The following SLIT3 variants were observed in gnomAD, a reference collection of about 807,000 sequenced individuals.
SLIT3 encodes slit homolog 3 protein.
Under a neutral mutation model 184.0 loss-of-function variants are expected in SLIT3, and 68 were observed. The observed-to-expected ratio is 0.37, with a 90% confidence interval of 0.30 to 0.45. SLIT3 has a LOEUF of 0.45. Among genes scored for constraint, SLIT3 ranks in the 20% least tolerant of loss-of-function variants. The pLI is 1.00. For missense variants in SLIT3, 1,707 were observed against 2,026.0 expected (o/e 0.84, Z 3.02); for synonymous variants, 831 against 828.6 (o/e 1.00, Z -0.05).
chr5:168,819,426 G>A (rs1757447787), intron 7 of SLIT3, among the ~76,000 whole-genome samples: 1 of 152,246 alleles, frequency 6.6e-6, no homozygotes, highest in African/African-American at 2.4e-5. Context: ...GCCGTGGCAT[G>A]CGCAGGCTGA....
At chr5:168,848,931 A>T (rs2088544475) in intron 5 of SLIT3, among the ~76,000 whole-genome samples, 1 of 152,220 alleles carries the variant, frequency 6.6e-6, no homozygotes, top group African/African-American at 2.4e-5. Flanking sequence ...TTTGTGCTTC[A>T]GAAATTAAAG....
At chr5:169,182,763 A>G (rs1466661296) in intron 4 of SLIT3, among the ~76,000 whole-genome samples, 1 of 152,234 alleles carries the variant, frequency 6.6e-6, no homozygotes, top group Non-Finnish European at 1.5e-5. Context: ...TATACAATGC[A>G]GTATTTCCCT....
At chr5:169,281,272 A>G (rs186466518) in intron 1 of SLIT3, among the ~76,000 whole-genome samples, 1 of 152,300 alleles carries the variant, frequency 6.6e-6, no homozygotes, top group African/African-American at 2.4e-5. Context: ...AGGTCAGGTG[A>G]TCGAGACCAT....
chr5:169,211,850 T>C (rs930656140), intron 3 of SLIT3, among the ~76,000 whole-genome samples: 1 of 152,188 alleles, frequency 6.6e-6, no homozygotes, highest in African/African-American at 2.4e-5. Flanking sequence ...TGTGTTCTCA[T>C]TGTTCAACTC....
intron 33 of SLIT3, among the ~76,000 whole-genome samples, chr5:168,672,325 C>G (rs1402425509): frequency 6.6e-6 from 1 of 152,192 alleles, no homozygotes; most frequent in Non-Finnish European, 1.5e-5. Flanking sequence ...CCGTGCTAGT[C>G]TCTGCAGGTG....
chr5:168,819,710 A>T (rs777651580), intron 7 of SLIT3, among the ~76,000 whole-genome samples: 1 of 152,220 alleles, frequency 6.6e-6, no homozygotes, highest in Non-Finnish European at 1.5e-5. Flanking sequence ...TTCTGGGATA[A>T]TAAAAATGTC....
At chr5:168,679,788 G>C (rs1467226986) in intron 32 of SLIT3, among the ~76,000 whole-genome samples, 3 of 152,128 alleles carry the variant, frequency 2.0e-5, no homozygotes, top group Non-Finnish European at 4.4e-5. Flanking sequence ...GAGCCAGCAC[G>C]GTGGGAGAGC....
intron 4 of SLIT3, among the ~76,000 whole-genome samples, chr5:169,141,046 T>A (rs1157467839): frequency 6.6e-6 from 1 of 152,232 alleles, no homozygotes; most frequent in Non-Finnish European, 1.5e-5. Flanking sequence ...ACTTACGTTT[T>A]TTCCTTTCTT....
chr5:168,788,516 A>C (rs138205810), intron 11 of SLIT3, among the ~76,000 whole-genome samples: 308 of 152,302 alleles, frequency 2.0e-3, no homozygotes, highest in African/African-American at 7.0e-3. Flanking sequence ...GCATGGGTTC[A>C]AATCTTGCCT....
At chr5:168,974,568 C>T (rs903827866) in intron 4 of SLIT3, among the ~76,000 whole-genome samples, 4 of 152,188 alleles carry the variant, frequency 2.6e-5, no homozygotes, top group African/African-American at 9.7e-5. Flanking sequence ...ATTTAATAGA[C>T]TACTGTATTC....
chr5:168,764,759 C>T (rs780081124), intron 14 of SLIT3, among the ~76,000 whole-genome samples: 3 of 152,150 alleles, frequency 2.0e-5, no homozygotes, highest in African/African-American at 7.2e-5. Flanking sequence ...CCCCTTCTAC[C>T]GCTAGGCTTG....
chr5:168,987,821 C>CT (rs1755187399), intron 4 of SLIT3, among the ~76,000 whole-genome samples: 5 of 152,230 alleles, frequency 3.3e-5, no homozygotes, highest in Admixed American at 3.3e-4. Flanking sequence ...GAAATGATTT[C>CT]TTATGGAATA....
In SLIT3 at chr5:168,772,949, G is replaced by A. The variant is rs747691212; in HGVS notation, c.1296-5C>T. 1.8e-5 allele frequency: 28 copies of A among 1,592,914 alleles called. No individual in the cohort carries two copies. The highest frequency in any genetic ancestry group is 5.2e-5 in the Admixed American group (3 of 58,250). On this transcript the variant is annotated splice_polypyrimidine_tract_variant and splice_region_variant and intron_variant, in intron 13 of 35. Transcript: ENST00000519560. ...AATGGGTTTTGGGCTAAGTGGCTGC[G>A]AGAGGGATGGGGCCGTTAATCAGGA...
chr5:169,086,159 T>C (rs1388810471), intron 4 of SLIT3, among the ~76,000 whole-genome samples: 1 of 152,172 alleles, frequency 6.6e-6, no homozygotes, highest in Non-Finnish European at 1.5e-5. Context: ...AAATACCTCT[T>C]TTTGTTTTTT....
chr5:169,264,283 T>C (rs186463572), intron 1 of SLIT3, among the ~76,000 whole-genome samples: 14 of 152,222 alleles, frequency 9.2e-5, no homozygotes, highest in Non-Finnish European at 1.9e-4. Context: ...AACCTCCACC[T>C]CCTGGGTTCA....
intron 20 of SLIT3, among the ~76,000 whole-genome samples, chr5:168,736,895 A>G (rs867908110): frequency 6.6e-6 from 1 of 152,236 alleles, no homozygotes; most frequent in Non-Finnish European, 1.5e-5. Context: ...GTGATCGTCA[A>G]AAATTATTCA....
chr5:168,825,285 C>T (rs1757661814), intron 6 of SLIT3, among the ~76,000 whole-genome samples: 2 of 152,152 alleles, frequency 1.3e-5, no homozygotes, highest in South Asian at 4.2e-4. Context: ...CCATATTCTC[C>T]ATCCTACCCA....
intron 4 of SLIT3, among the ~76,000 whole-genome samples, chr5:169,141,335 T>C (rs983039754): frequency 6.6e-6 from 1 of 152,168 alleles, no homozygotes; most frequent in Non-Finnish European, 1.5e-5. Context: ...TAATTCTGCC[T>C]CTTTCCTTGC....
intron 1 of SLIT3, among the ~76,000 whole-genome samples, chr5:169,294,446 C>G (rs201173627): frequency 2.4e-4 from 36 of 147,478 alleles, no homozygotes; most frequent in Non-Finnish European, 4.8e-4. Context: ...GCTGTGGGGG[C>G]AGGACCAAGA....
Sources: gnomAD v4.1 joint callset for allele counts (sites outside exome capture counted in the v4.1 genomes callset) on GRCh38, gnomAD v4.1.1 for gene constraint, MANE v1.5 for transcripts, NCBI Gene and HGNC (gene_info 2026-07-23, HGNC 2026-07-21) for gene names.